ELN: variants seen among roughly 807,000 people sequenced by gnomAD.
ELN encodes tropoelastin.
A neutral mutation model predicts 105.8 loss-of-function variants in ELN; 65 were observed. The ratio of observed to expected loss-of-function variants is 0.61; its 90% CI spans 0.50 to 0.75. ELN has a LOEUF of 0.75. ELN is among the 30% of genes least tolerant of loss of function. The probability of loss-of-function intolerance (pLI) is 0.00; values close to 1 mark genes in which losing one functional copy is unlikely to be tolerated. For synonymous variants in ELN, 368 were observed against 389.2 expected (o/e 0.95, Z 0.64); for missense variants, 882 against 969.4 (o/e 0.91, Z 1.20).
intron 22 of ELN, among the ~76,000 whole-genome samples, chr7:74,058,771 C>T (rs765847720): frequency 2.6e-5 from 4 of 152,194 alleles, no homozygotes; most frequent in Non-Finnish European, 5.9e-5. Flanking sequence ...TAGAGCTCAA[C>T]TGTATGTCAG....
chr7:74,028,375 G>C (rs1554660251), intron 1 of ELN, 106 bp downstream of exon 1: 22 of 1,334,932 alleles, frequency 1.6e-5, no homozygotes, highest in Non-Finnish European at 2.2e-5. Flanking sequence ...GGAACTGCAA[G>C]GGGTCCCAGG....
rs1797089533 is a variant in ELN at position 74,063,247 on chromosome 7, G to A, written c.1858+23G>A. 3.1e-6 allele frequency: 5 copies of A among 1,600,226 alleles called. No individual in the cohort carries two copies. The highest frequency in any genetic ancestry group is 4.3e-6 in the Non-Finnish European group (5 of 1,174,970). ...TGGGTGAGTTGAAACCCCAGGAGGG[G>A]CAGGGTGGGGAGGGAATCTAACCAG... On this transcript the variant is annotated intron_variant, in intron 27 of 32. Coordinates refer to ENST00000252034, the MANE Select transcript of ELN (RefSeq NM_000501.4). This position sits in a 1 kb window ranked among gnomAD's most constrained non-coding sequence, Gnocchi z 4.1.
At chr7:74,042,739 C>T (rs559464038) in intron 6 of ELN, 33 bp downstream of exon 6, 9 of 1,608,716 alleles carry the variant, frequency 5.6e-6, no homozygotes, top group Middle Eastern at 1.7e-4. Flanking sequence ...TGCCACAAGC[C>T]CTCTGGCTTC....
At chr7:74,043,367 T>C in intron 8 of ELN, 199 bp downstream of exon 8, 1 of 814,660 alleles carries the variant, frequency 1.2e-6, no homozygotes, top group South Asian at 1.5e-5. Context: ...CGGGCCCTTC[T>C]CCCGGGATCT....
intron 4 of ELN, among the ~76,000 whole-genome samples, chr7:74,040,656 C>T (rs984998638): frequency 1.3e-5 from 2 of 152,120 alleles, no homozygotes; most frequent in Admixed American, 6.5e-5. Flanking sequence ...GAATGTCTCC[C>T]GCAGTGGGAG....
intron 5 of ELN, 39 bp from the exon 6 acceptor site, chr7:74,042,575 G>A (rs782775967): frequency 1.9e-6 from 3 of 1,592,426 alleles, no homozygotes; most frequent in African/African-American, 1.3e-5. Context: ...CTTCATAGGT[G>A]TGGTAGCTCA....
rs781901576 is a variant in ELN at position 74,060,475 on chromosome 7, G to T, written c.1721G>T (p.Gly574Val). Residue 574 changes from glycine to valine, a missense_variant, in exon 25 of 33, where the codon GGT becomes GTT. Transcript: ENST00000252034. ...GCTGGTGTTCCTGGACTTGGAGTTG[G>T]TGCTGGTGTTCCTGGCTTCGGGGCA... ...VGAGVPGLGV[G>V]AGVPGFGAVP... 6.2e-7 allele frequency: 1 copy of T among 1,614,246 alleles called. No individual in the cohort carries two copies. Among genetic ancestry groups the T allele is most frequent in the Non-Finnish European group, 8.5e-7 (1 of 1,180,038 alleles).
chr7:74,057,754 G>C (rs1795624879), intron 22 of ELN, 58 bp downstream of exon 22: 1 of 1,598,102 alleles, frequency 6.3e-7, no homozygotes, highest in Admixed American at 1.7e-5. Flanking sequence ...CCTGTGCCCT[G>C]CTCTGGGGTC....
At chr7:74,060,306 C>T (rs782616385) in intron 24 of ELN, 70 bp from the exon 25 acceptor site, 58 of 1,613,932 alleles carry the variant, frequency 3.6e-5, no homozygotes, top group Non-Finnish European at 4.9e-5. Context: ...AGGCTCAGCT[C>T]CCTGGGCAGG....
chr7:74,051,821 G>A lies in ELN; in HGVS notation c.871G>A (p.Gly291Arg). The change falls in exon 16 of 33, where the codon GGA (glycine) becomes AGA (arginine). Residue 291 changes from glycine (G) to arginine (R), a missense_variant. Physicochemically the swap from Gly to Arg is moderately radical, Grantham distance 125. Transcript: ENST00000252034. Reference protein sequence around the residue: ...GVPGVPGAIPGIGGIAGVGTP... With the variant: ...GVPGVPGAIPRIGGIAGVGTP... ...TCCTGGCGTGCCTGGGGCAATTCCT[G>A]GAATTGGAGGCATCGCAGGTAACAT... 1 of 1,614,244 alleles carries A rather than the reference G, an allele frequency of 6.2e-7. No individual in the cohort carries two copies. Among genetic ancestry groups the A allele is most frequent in the Non-Finnish European group, 8.5e-7 (1 of 1,180,042 alleles).
intron 4 of ELN, among the ~76,000 whole-genome samples, chr7:74,040,790 G>A (rs782494252): frequency 6.6e-6 from 1 of 152,184 alleles, no homozygotes; most frequent in African/African-American, 2.4e-5. Flanking sequence ...CAGATGGGTA[G>A]TGGGGACACA....
intron 4 of ELN, among the ~76,000 whole-genome samples, chr7:74,039,509 CA>C (rs1180070002): frequency 6.6e-6 from 1 of 152,226 alleles, no homozygotes; most frequent in Non-Finnish European, 1.5e-5. Flanking sequence ...TGCTTGGGAA[CA>C]ATTAATCCCT....
At chr7:74,028,534 C>G (rs1787944831) in intron 1 of ELN, among the ~76,000 whole-genome samples, 1 of 152,194 alleles carries the variant, frequency 6.6e-6, no homozygotes, top group Non-Finnish European at 1.5e-5. Flanking sequence ...GCTGAGGGGG[C>G]CCCTGCTCAG....
chr7:74,063,274 A>T lies in ELN; in HGVS notation c.1859-36A>T. Reference sequence around the variant, plus strand: ...AGGGTGGGGAGGGAATCTAACCAGTACAGAGTGCCTCCCTGAACTCGGTCT... The same window carrying T: ...AGGGTGGGGAGGGAATCTAACCAGTTCAGAGTGCCTCCCTGAACTCGGTCT... On this transcript the variant is annotated intron_variant, in intron 27 of 32. Coordinates refer to ENST00000252034, the MANE Select transcript of ELN (RefSeq NM_000501.4). This position sits in a 1 kb window ranked among gnomAD's most constrained non-coding sequence, Gnocchi z 4.1. The T allele has an allele frequency of 6.3e-7, 1 of 1,580,160 alleles. No individual in the cohort carries two copies. Among genetic ancestry groups the T allele is most frequent in the Non-Finnish European group, 8.6e-7 (1 of 1,163,626 alleles).
In ELN at chr7:74,053,327, TG is replaced by T; in HGVS notation, c.1096+19del. On this transcript the variant is annotated intron_variant, in intron 18 of 32. Coordinates refer to ENST00000252034, the MANE Select transcript of ELN (RefSeq NM_000501.4). Reference sequence around the variant, plus strand: ...GGTTCCAGGTGAGCTGGGCTGTGTGTGTGTGTGTGTGTGTGTGTGTGTGTGT... The same window carrying T: ...GGTTCCAGGTGAGCTGGGCTGTGTGTTGTGTGTGTGTGTGTGTGTGTGTGT... 1.2e-6 allele frequency: 1 copy of T among 818,474 alleles called. No homozygotes were observed. The highest frequency in any genetic ancestry group is 1.8e-6 in the Non-Finnish European group (1 of 558,572). The allele number at this position is 818,474 out of a possible 1,614,324, so 50.7% of individuals were successfully genotyped here.
At position 74,061,161 on chromosome 7, in the gene ELN, T is replaced by C. The variant is rs199552576; in HGVS notation, c.1786+22T>C. ...TATGGTGAGTGCACCCCACAACCAC[T>C]TGTGGCTCCCTTGCCACCACACCAT... On this transcript the variant is annotated intron_variant, in intron 26 of 32. Transcript: ENST00000252034. 1.9e-3 allele frequency: 2,998 copies of C among 1,613,988 alleles called. 8 individuals are homozygous for C. The highest frequency in any genetic ancestry group is 0.012 in the Middle Eastern group (70 of 6,058).
At chr7:74,047,221 G>T (rs566104207) in intron 12 of ELN, among the ~76,000 whole-genome samples, 51 of 152,300 alleles carry the variant, frequency 3.3e-4, no homozygotes, top group African/African-American at 1.2e-3. Flanking sequence ...AGGAGAGCAT[G>T]GGAAAGTCAT....
intron 22 of ELN, among the ~76,000 whole-genome samples, chr7:74,058,861 A>G (rs1795964701): frequency 6.6e-6 from 1 of 152,198 alleles, no homozygotes; most frequent in African/African-American, 2.4e-5. Context: ...CTAGGACTGA[A>G]TAGGCCAGAG....
At chr7:74,044,970 A>G (rs1792122211) in intron 9 of ELN, among the ~76,000 whole-genome samples, 1 of 152,106 alleles carries the variant, frequency 6.6e-6, no homozygotes, top group African/African-American at 2.4e-5. Context: ...TCCAGCATAG[A>G]GATGAGGCTG....
Sources: gnomAD v4.1 joint callset for allele counts (sites outside exome capture counted in the v4.1 genomes callset) on GRCh38, gnomAD v4.1.1 for gene constraint, Gnocchi (gnomAD v3.1) non-coding constraint, MANE v1.5 for transcripts, NCBI Gene and HGNC (gene_info 2026-07-23, HGNC 2026-07-21) for gene names.